Variants in ANK2 observed in about 807,000 individuals in gnomAD.
The protein encoded by ANK2 is ankyrin-2.
ANK2 carries 83 observed loss-of-function variants against 360.5 expected under a neutral mutation model. That is an observed-to-expected ratio of 0.23 (90% CI 0.19 to 0.28). The LOEUF is 0.28. ANK2 is among the 10% of genes least tolerant of loss of function. ANK2 has a pLI of 1.00. For missense variants in ANK2, 4,201 were observed against 4,795.7 expected, an observed-to-expected ratio of 0.88 and a Z score of 3.66; for synonymous variants, 1,740 against 1,759.5, an observed-to-expected ratio of 0.99 and a Z score of 0.28.
chr4:113,257,029 G>C (rs1349544681), intron 11 of ANK2, among the ~76,000 whole-genome samples: 5 of 152,092 alleles, frequency 3.3e-5, no homozygotes, highest in African/African-American at 1.2e-4. Flanking sequence ...TCATAAACAG[G>C]GGAAATGACC....
chr4:112,840,803 A>C (rs2061926624), intron 1 of ANK2, among the ~76,000 whole-genome samples: 1 of 152,182 alleles, frequency 6.6e-6, no homozygotes, highest in African/African-American at 2.4e-5. Context: ...AAGTTAAGTA[A>C]TTTGCTCAAA....
chr4:112,764,833 G>A, the ANK2 span, among the ~76,000 whole-genome samples: 7 of 150,624 alleles, frequency 4.6e-5, no homozygotes, highest in African/African-American at 1.7e-4. Context: ...TCAGCCTCCC[G>A]AGTAGCTGGG....
At chr4:113,253,340 G>A (rs2047502841) in intron 10 of ANK2, among the ~76,000 whole-genome samples, 1 of 151,940 alleles carries the variant, frequency 6.6e-6, no homozygotes, top group South Asian at 2.1e-4. Flanking sequence ...TTCTCTATCG[G>A]CACTCACTTA....
chr4:113,300,987 A>G (rs779939809), intron 22 of ANK2, among the ~76,000 whole-genome samples: 1 of 152,224 alleles, frequency 6.6e-6, no homozygotes, highest in Non-Finnish European at 1.5e-5. Context: ...CTTTGTAAAT[A>G]TATTTGAAGT....
intron 1 of ANK2, among the ~76,000 whole-genome samples, chr4:113,066,881 C>T (rs577832548): frequency 4.6e-4 from 70 of 152,168 alleles, no homozygotes; most frequent in Middle Eastern, 6.8e-3. Context: ...AATTACAGGA[C>T]CACCTAATAG....
At position 113,258,090 on chromosome 4, in the gene ANK2, G is replaced by A. The variant is rs786205720; in HGVS notation, c.1229G>A (p.Arg410His). 5.0e-6 allele frequency: 8 copies of A among 1,614,038 alleles called. No homozygotes were observed. The highest frequency in any genetic ancestry group is 1.6e-4 in the Middle Eastern group (1 of 6,084). ...CTGCACATTGCCTGCAAGAAAAACC[G>A]CATCAAAGTCATGGAACTGCTGGTG... ...TPLHIACKKN[R>H]IKVMELLVKY... is the part of the protein sequence containing the mutation. Residue 410 changes from arginine to histidine, a missense_variant, in exon 12 of 46, where the codon CGC becomes CAC. By Grantham distance (29) the Arg-to-His change is conservative (BLOSUM62 0). Coordinates refer to ENST00000357077, the MANE Select transcript of ANK2 (RefSeq NM_001148.6).
At chr4:113,006,589 A>G (rs2052953373) in intron 2 of ANK2, among the ~76,000 whole-genome samples, 2 of 152,252 alleles carry the variant, frequency 1.3e-5, no homozygotes. Context: ...AAATGGGCAC[A>G]GGATTTCTAC....
At chr4:113,160,513 A>C (rs2154402478) in intron 1 of ANK2, 1 of 232,208 alleles carries the variant, frequency 4.3e-6, no homozygotes, top group South Asian at 4.3e-5. Flanking sequence ...GATCCCCCAA[A>C]TTTTCACTAG....
intron 2 of ANK2, among the ~76,000 whole-genome samples, chr4:112,938,487 T>C (rs1348147332): frequency 6.6e-6 from 1 of 152,208 alleles, no homozygotes; most frequent in African/African-American, 2.4e-5. Context: ...GTTCCAGCAA[T>C]CTACTTTTAT....
the ANK2 span, among the ~76,000 whole-genome samples, chr4:112,804,953 C>A: frequency 2.6e-5 from 4 of 152,038 alleles, no homozygotes; most frequent in African/African-American, 9.7e-5. Flanking sequence ...TGAATTGTGA[C>A]CCCTTCTCAA....
the ANK2 span, among the ~76,000 whole-genome samples, chr4:112,780,758 A>T: frequency 6.6e-6 from 1 of 152,068 alleles, no homozygotes; most frequent in Non-Finnish European, 1.5e-5. Context: ...GCATAAAACC[A>T]TCTGATCTCG....
At chr4:112,930,657 G>T (rs2093114892) in intron 2 of ANK2, among the ~76,000 whole-genome samples, 1 of 152,020 alleles carries the variant, frequency 6.6e-6, no homozygotes, top group South Asian at 2.1e-4. Flanking sequence ...GGGAGGCCGA[G>T]GAGGGCAGAT....
intron 1 of ANK2, among the ~76,000 whole-genome samples, chr4:113,130,759 T>C (rs111706017): frequency 0.012 from 1,782 of 152,286 alleles, 31 homozygotes; most frequent in African/African-American, 0.039. Flanking sequence ...ATAGATACTC[T>C]ACTGATTCTA....
intron 2 of ANK2, among the ~76,000 whole-genome samples, chr4:113,179,934 TCC>T (rs1333202778): frequency 1.3e-5 from 2 of 152,258 alleles, no homozygotes; most frequent in Non-Finnish European, 2.9e-5. Flanking sequence ...TTTAATACAA[TCC>T]TGGATATGAT....
At chr4:113,340,334 C>T (rs1311800562) in intron 32 of ANK2, among the ~76,000 whole-genome samples, 1 of 152,094 alleles carries the variant, frequency 6.6e-6, no homozygotes, top group Non-Finnish European at 1.5e-5. Context: ...AGCAAAGATG[C>T]AAAGATAGAA....
At chr4:112,814,006 A>G (rs1036718774), upstream of ANK2, among the ~76,000 whole-genome samples, 6 of 152,200 alleles carry the variant, frequency 3.9e-5, no homozygotes, top group South Asian at 6.2e-4. Flanking sequence ...GTGAGGTCAC[A>G]GGCAAATCTG....
chr4:112,712,408 T>TATATA, the ANK2 span, among the ~76,000 whole-genome samples: 33 of 92,348 alleles, frequency 3.6e-4, no homozygotes, highest in African/African-American at 1.4e-3. Context: ...ATATATATAT[T>TATATA]TTTTTTTTTT....
chr4:113,367,098 A>G (rs926310930), intron 41 of ANK2, among the ~76,000 whole-genome samples: 1 of 152,234 alleles, frequency 6.6e-6, no homozygotes, highest in Admixed American at 6.5e-5. Context: ...TCAAGTTAAT[A>G]CTTGCAGTGC....
intron 1 of ANK2, among the ~76,000 whole-genome samples, chr4:113,126,414 C>A (rs1005213883): frequency 1.3e-5 from 2 of 152,190 alleles, no homozygotes; most frequent in East Asian, 3.8e-4. Context: ...GCTCCTGCCT[C>A]AAACTGGGCC....
Sources: allele counts gnomAD v4.1 joint callset (sites outside exome capture counted in the v4.1 genomes callset), GRCh38; gene constraint gnomAD v4.1.1; transcripts MANE v1.5; gene names NCBI Gene and HGNC (gene_info 2026-07-23, HGNC 2026-07-21).